DISC1: variants seen among roughly 807,000 people sequenced by gnomAD.
DISC1 encodes the protein DISC1 scaffold protein.
In DISC1, 57 loss-of-function variants were observed where a neutral mutation model predicts 84.5. That is an observed-to-expected ratio of 0.67 (90% confidence interval 0.55 to 0.84). The LOEUF is 0.84. DISC1 is among the 40% of genes least tolerant of loss of function. The probability of loss-of-function intolerance (pLI) is 0.00; values close to 1 mark genes in which losing one functional copy is unlikely to be tolerated. For missense variants in DISC1, 1,000 were observed against 1,057.8 expected, an observed-to-expected ratio of 0.95 and a Z score of 0.76; for synonymous variants, 411 against 415.2, an observed-to-expected ratio of 0.99 and a Z score of 0.12.
chr1:231,939,820 G>C (rs771214531), intron 9 of DISC1, among the ~76,000 whole-genome samples: 1 of 151,742 alleles, frequency 6.6e-6, no homozygotes, highest in South Asian at 2.1e-4. Flanking sequence ...TCAGCTCACC[G>C]CAACCTCCGC....
intron 1 of DISC1, among the ~76,000 whole-genome samples, chr1:231,636,757 A>G (rs1486797519): frequency 6.6e-6 from 1 of 152,116 alleles, no homozygotes; most frequent in Non-Finnish European, 1.5e-5. Flanking sequence ...CTTGGTATGA[A>G]TTTATATTGA....
At chr1:231,642,651 A>G (rs775459926) in intron 1 of DISC1, among the ~76,000 whole-genome samples, 35 of 152,114 alleles carry the variant, frequency 2.3e-4, no homozygotes, top group Non-Finnish European at 4.6e-4. Context: ...GGTTTTACCT[A>G]TATAACATTT....
At chr1:231,775,675 G>C (rs1390640193) in intron 6 of DISC1, among the ~76,000 whole-genome samples, 1 of 151,864 alleles carries the variant, frequency 6.6e-6, no homozygotes. Context: ...ACAGAGCAGG[G>C]GTGCATGAAA....
chr1:231,689,763 A>G lies in DISC1; in HGVS notation c.68-4063A>G, dbSNP rs78709523. The stretch of plus-strand genomic sequence containing the variant: ...AAACTAGGATTGTTTTAGGAATTAT[A>G]AGGACCTCAGGAAACTTCTGTGTAG... On this transcript the variant is annotated intron_variant, in intron 1 of 12. Coordinates refer to ENST00000439617, the MANE Select transcript of DISC1 (RefSeq NM_018662.3). 1.2e-3 allele frequency among the ~76,000 whole-genome samples: 182 copies of G among 152,356 alleles called. 4 individuals are homozygous for G. The East Asian group carries it at 0.03, about 25-fold the overall frequency.
intron 3 of DISC1, chr1:231,720,726 TGGGG>T: frequency 6.9e-6 from 5 of 719,650 alleles, no homozygotes; most frequent in Admixed American, 5.3e-5. Context: ...TTTTTTCCCT[TGGGG>T]CTTTCTGCAT....
At chr1:231,911,291 C>T (rs1288985349) in intron 9 of DISC1, among the ~76,000 whole-genome samples, 3 of 152,148 alleles carry the variant, frequency 2.0e-5, no homozygotes, top group Non-Finnish European at 2.9e-5. Context: ...TACAATTTGG[C>T]ATGTTTTTGC....
intron 8 of DISC1, among the ~76,000 whole-genome samples, chr1:231,811,521 T>A (rs2125707033): frequency 6.6e-6 from 1 of 152,376 alleles, no homozygotes; most frequent in Non-Finnish European, 1.5e-5. Flanking sequence ...GCACTGGCTT[T>A]ATTTCTTTTT....
chr1:231,998,073 G>A (rs1666183311), intron 10 of DISC1, among the ~76,000 whole-genome samples: 1 of 152,140 alleles, frequency 6.6e-6, no homozygotes, highest in Admixed American at 6.5e-5. Context: ...GCCCTAAAAA[G>A]GAGTCAAATG....
chr1:231,627,645 T>C (rs1160714372), intron 1 of DISC1, among the ~76,000 whole-genome samples: 2 of 152,272 alleles, frequency 1.3e-5, no homozygotes, highest in African/African-American at 2.4e-5. Context: ...TTCTACCTTC[T>C]CACTCTTAAA....
At chr1:231,830,575 A>G (rs1281671166) in intron 9 of DISC1, among the ~76,000 whole-genome samples, 1 of 152,234 alleles carries the variant, frequency 6.6e-6, no homozygotes, top group Non-Finnish European at 1.5e-5. Flanking sequence ...CCGGCAGCGT[A>G]AACAAGAGCA....
intron 9 of DISC1, among the ~76,000 whole-genome samples, chr1:231,875,627 G>A (rs4658961): frequency 0.5 from 75,904 of 151,950 alleles, 19,117 homozygotes; most frequent in African/African-American, 0.53. Flanking sequence ...ATCTAGGTCT[G>A]TCATTACTTA....
intron 9 of DISC1, among the ~76,000 whole-genome samples, chr1:231,930,844 C>T (rs2090613119): frequency 6.6e-6 from 1 of 152,130 alleles, no homozygotes; most frequent in African/African-American, 2.4e-5. Flanking sequence ...TACAAGATTA[C>T]AAGCCAGATG....
chr1:231,952,678 CATATATATATGTTTATATATATAT>C (rs1558773831), intron 9 of DISC1, among the ~76,000 whole-genome samples: 6 of 139,926 alleles, frequency 4.3e-5, no homozygotes, highest in Non-Finnish European at 9.1e-5. Context: ...TATTGTCTCT[CATATATATATGTTTATATATATAT>C]ATATATATAT....
At chr1:232,010,413 T>G (rs1454193446) in intron 11 of DISC1, among the ~76,000 whole-genome samples, 1 of 152,140 alleles carries the variant, frequency 6.6e-6, no homozygotes, top group Non-Finnish European at 1.5e-5. Context: ...CTTTCCAAAG[T>G]GAGCTACCAG....
Position 232,037,257 on chromosome 1 carries a change from A to G in DISC1, c.*426A>G, listed in dbSNP as rs1419837237. 5 of 152,606 alleles carry G rather than the reference A, an allele frequency of 3.3e-5. No individual in the cohort carries two copies. Among genetic ancestry groups the G allele is most frequent in the African/African-American group, 1.2e-4 (5 of 41,378 alleles). 9.5% of individuals were successfully genotyped at this position (152,606 alleles called of 1,614,324 possible). A position where few individuals can be genotyped will look rare whatever the true frequency, so the allele number is the denominator to read the frequency against. On this transcript the variant is annotated 3_prime_UTR_variant, in exon 13 of 13. Coordinates refer to ENST00000439617, the MANE Select transcript of DISC1 (RefSeq NM_018662.3). ...CTATAAAAAGGAAACCAAGCATAAG[A>G]CTCTGTCATCATACCTGTTACACGT...
chr1:231,948,579 A>C (rs976643601), intron 9 of DISC1, among the ~76,000 whole-genome samples: 6 of 151,974 alleles, frequency 3.9e-5, no homozygotes, highest in African/African-American at 1.5e-4. Flanking sequence ...TGTTCTGCAC[A>C]TGTACCCTAG....
intron 4 of DISC1, among the ~76,000 whole-genome samples, chr1:231,758,019 C>T (rs1367930661): frequency 6.6e-6 from 1 of 151,962 alleles, no homozygotes; most frequent in African/African-American, 2.4e-5. Flanking sequence ...TGGATAATGC[C>T]CCAGCCTACC....
chr1:231,826,398 A>G lies in DISC1; in HGVS notation c.1981+7881A>G, dbSNP rs1280062971. On this transcript the variant is annotated intron_variant, in intron 9 of 12. Transcript: ENST00000439617. The surrounding 1 kb of genome is among the most constrained non-coding windows in gnomAD (Gnocchi z 4.2). Reference sequence around the variant, plus strand: ...ACAAAACAAAAGTCTACAAAAAGTCATCTATTGATGATGTTGAACATCCTG... The same window carrying G: ...ACAAAACAAAAGTCTACAAAAAGTCGTCTATTGATGATGTTGAACATCCTG... 3.3e-5 allele frequency among the ~76,000 whole-genome samples: 5 copies of G among 152,326 alleles called. No homozygotes were observed. The highest frequency in any genetic ancestry group is 3.4e-3 in the Middle Eastern group (1 of 294).
At chr1:232,024,018 T>A (rs935470771) in intron 11 of DISC1, among the ~76,000 whole-genome samples, 2 of 143,364 alleles carry the variant, frequency 1.4e-5, no homozygotes, top group African/African-American at 5.2e-5. Context: ...AGTAAAAATA[T>A]ATATATATAT....
Sources: gnomAD v4.1 joint callset for allele counts (sites outside exome capture counted in the v4.1 genomes callset) on GRCh38, gnomAD v4.1.1 for gene constraint, Gnocchi (gnomAD v3.1) non-coding constraint, MANE v1.5 for transcripts, NCBI Gene and HGNC (gene_info 2026-07-23, HGNC 2026-07-21) for gene names.